Variants in CEP170 observed in about 807,000 individuals in gnomAD.
CEP170 encodes the protein centrosomal protein 170, also known as centrosomal protein of 170 kDa.
A neutral mutation model predicts 151.9 loss-of-function variants in CEP170; 21 were observed. The ratio of observed to expected loss-of-function variants is 0.14; its 90% CI spans 0.10 to 0.20. The LOEUF (loss-of-function observed/expected upper bound fraction) is 0.20. CEP170 is among the 10% of genes least tolerant of loss of function. CEP170 has a pLI of 1.00. For missense variants in CEP170, 964 were observed against 1,892.9 expected (o/e 0.51, Z 9.11); for synonymous variants, 356 against 648.8 (o/e 0.55, Z 6.86).
intron 17 of CEP170, among the ~76,000 whole-genome samples, chr1:243,131,920 A>G (rs1282377224): frequency 6.6e-6 from 1 of 152,272 alleles, no homozygotes; most frequent in Non-Finnish European, 1.5e-5. Context: ...TCTATGAGCC[A>G]TAACCAATTC....
chr1:243,246,269 C>G (rs1236427917), intron 1 of CEP170, among the ~76,000 whole-genome samples: 1 of 140,756 alleles, frequency 7.1e-6, no homozygotes, highest in Admixed American at 7.2e-5. Flanking sequence ...TCTCGCTCTG[C>G]CACCCAGGCT....
At chr1:243,150,333 T>C (rs1379403791) in intron 14 of CEP170, among the ~76,000 whole-genome samples, 2 of 152,146 alleles carry the variant, frequency 1.3e-5, no homozygotes, top group African/African-American at 4.8e-5. Flanking sequence ...GTATTTTTAG[T>C]AGAGATGGGG....
intron 8 of CEP170, among the ~76,000 whole-genome samples, chr1:243,187,639 C>T (rs967761909): frequency 2.6e-5 from 4 of 152,186 alleles, no homozygotes; most frequent in African/African-American, 4.8e-5. Flanking sequence ...TGATCAGACA[C>T]GAAAGACTTG....
At chr1:243,250,393 A>G (rs1351738759) in intron 1 of CEP170, among the ~76,000 whole-genome samples, 1 of 152,238 alleles carries the variant, frequency 6.6e-6, no homozygotes, top group African/African-American at 2.4e-5. Flanking sequence ...ATGAAATTTA[A>G]TAGGAGGCAA....
At position 243,199,173 on chromosome 1, in the gene CEP170, C is replaced by A. The variant is rs1200382110; in HGVS notation, c.518G>T (p.Gly173Val). The A allele has an allele frequency of 3.1e-6, 5 of 1,610,850 alleles. No individual in the cohort carries two copies. The highest frequency in any genetic ancestry group is 1.1e-5 in the South Asian group (1 of 90,672). ...KAMDISAMPR[G>V]TPLYGQPSWW... ...TGACGGCTGCCCATATAATGGAGTACCACGGGGCATAGCAGAAATATCTGG... is the reference window on the plus strand; with the variant it reads ...TGACGGCTGCCCATATAATGGAGTAACACGGGGCATAGCAGAAATATCTGG... Residue 173 changes from glycine (G) to valine (V), a missense_variant, in exon 7 of 20, where the codon GGT becomes GTT. Physicochemically the swap from Gly to Val is moderately radical, Grantham distance 109. Coordinates refer to ENST00000366542, the MANE Select transcript of CEP170 (RefSeq NM_014812.3).
chr1:243,158,099 T>C (rs2057728812), intron 13 of CEP170, among the ~76,000 whole-genome samples: 2 of 152,176 alleles, frequency 1.3e-5, no homozygotes, highest in African/African-American at 4.8e-5. Context: ...ATAAAAAAAC[T>C]TCTGTGAGTT....
intron 3 of CEP170, among the ~76,000 whole-genome samples, chr1:243,217,070 T>C (rs12740461): frequency 0.11 from 16,070 of 152,252 alleles, 1,177 homozygotes; most frequent in Non-Finnish European, 0.16. Flanking sequence ...TTGTATATCC[T>C]ATTGCTCCTA....
intron 4 of CEP170, among the ~76,000 whole-genome samples, chr1:243,208,044 T>G (rs1366638592): frequency 2.6e-5 from 4 of 152,140 alleles, no homozygotes; most frequent in African/African-American, 9.7e-5. Context: ...GAATTCTCTA[T>G]CAGTTATTAA....
rs2053588332 is a variant in CEP170 at position 243,124,920 on chromosome 1, T to C, written c.*1529A>G. On this transcript the variant is annotated 3_prime_UTR_variant, in exon 20 of 20. Transcript: ENST00000366542. ...TTAAAGAAAAATAGGAGATCCATTA[T>C]AGTTTTGTTTTTACATCTCTATAAA... The C allele has an allele frequency of 1.3e-5, 2 of 152,486 alleles. No homozygotes were observed. Among genetic ancestry groups the C allele is most frequent in the African/African-American group, 4.8e-5 (2 of 41,414 alleles). The allele number at this position is 152,486 out of a possible 1,614,324, so 9.4% of individuals were successfully genotyped here.
chr1:243,201,265 A>G (rs1160967894), intron 4 of CEP170, among the ~76,000 whole-genome samples: 1 of 152,084 alleles, frequency 6.6e-6, no homozygotes, highest in African/African-American at 2.4e-5. Context: ...CTCAAACTTC[A>G]TAAGCATTGA....
At chr1:243,163,604 G>T (rs1158357574) in intron 13 of CEP170, among the ~76,000 whole-genome samples, 1 of 152,198 alleles carries the variant, frequency 6.6e-6, no homozygotes, top group African/African-American at 2.4e-5. Flanking sequence ...GTGAGATAAT[G>T]CTCATAACCA....
chr1:243,132,155 G>A (rs2054498404), intron 17 of CEP170, among the ~76,000 whole-genome samples: 1 of 152,124 alleles, frequency 6.6e-6, no homozygotes, highest in Non-Finnish European at 1.5e-5. Flanking sequence ...GACATTTGAG[G>A]TTATAACTCC....
chr1:243,137,761 G>A (rs1245459349), intron 16 of CEP170, among the ~76,000 whole-genome samples: 11 of 148,662 alleles, frequency 7.4e-5, no homozygotes, highest in East Asian at 2.0e-4. Flanking sequence ...GTGACAAAGC[G>A]AGACTCCCTC....
intron 12 of CEP170, among the ~76,000 whole-genome samples, chr1:243,167,827 G>A (rs2058548033): frequency 6.6e-6 from 1 of 151,824 alleles, no homozygotes; most frequent in African/African-American, 2.4e-5. Flanking sequence ...GAAGCATCTA[G>A]AATGTAATGG....
At chr1:243,217,771 CTT>C (rs1213366252) in intron 3 of CEP170, among the ~76,000 whole-genome samples, 1 of 152,138 alleles carries the variant, frequency 6.6e-6, no homozygotes, top group Non-Finnish European at 1.5e-5. Flanking sequence ...AGTTTTGTTT[CTT>C]TGTCAGTGCC....
chr1:243,158,937 C>A (rs80259844), intron 13 of CEP170, among the ~76,000 whole-genome samples: 2 of 151,588 alleles, frequency 1.3e-5, no homozygotes, highest in African/African-American at 4.9e-5. Flanking sequence ...CGTGGTAGGG[C>A]GCGCCTGTAA....
intron 1 of CEP170, among the ~76,000 whole-genome samples, chr1:243,249,584 G>C (rs1246103646): frequency 6.6e-6 from 1 of 152,096 alleles, no homozygotes; most frequent in African/African-American, 2.4e-5. Flanking sequence ...AATATTATTT[G>C]AAAACTACCT....
intron 1 of CEP170, among the ~76,000 whole-genome samples, chr1:243,226,181 CTAGATATA>C (rs2063272255): frequency 3.2e-5 from 1 of 30,964 alleles, no homozygotes; most frequent in African/African-American, 1.2e-4. Context: ...ATATATATAT[CTAGATATA>C]TATATCTAGA....
chr1:243,182,194 A>C (rs545719070), intron 10 of CEP170, among the ~76,000 whole-genome samples: 1 of 151,792 alleles, frequency 6.6e-6, no homozygotes, highest in African/African-American at 2.4e-5. Flanking sequence ...GCATATGTCC[A>C]CTTCCCCTCT....
Sources: gnomAD v4.1 joint callset for allele counts (sites outside exome capture counted in the v4.1 genomes callset) on GRCh38, gnomAD v4.1.1 for gene constraint, MANE v1.5 for transcripts, NCBI Gene and HGNC (gene_info 2026-07-23, HGNC 2026-07-21) for gene names.